ROCK1: variants seen among roughly 807,000 people sequenced by gnomAD.
ROCK1 encodes rho-associated protein kinase 1.
A neutral mutation model predicts 196.8 loss-of-function variants in ROCK1; 36 were observed. That is an observed-to-expected ratio of 0.18 (90% confidence interval 0.14 to 0.24). ROCK1 has a LOEUF of 0.24. ROCK1 is among the 10% of genes least tolerant of loss of function. The probability of loss-of-function intolerance (pLI) is 1.00; values close to 1 mark genes in which losing one functional copy is unlikely to be tolerated. For synonymous variants in ROCK1, 443 were observed against 515.9 expected, an observed-to-expected ratio of 0.86 and a Z score of 1.91; for missense variants, 920 against 1,562.0, an observed-to-expected ratio of 0.59 and a Z score of 6.93.
intron 1 of ROCK1, among the ~76,000 whole-genome samples, chr18:21,077,012 G>A (rs1346007376): frequency 7.6e-6 from 1 of 132,378 alleles, no homozygotes; most frequent in South Asian, 2.7e-4. Flanking sequence ...TGTCGCCCAG[G>A]CCGGACTGCG....
intron 1 of ROCK1, among the ~76,000 whole-genome samples, chr18:21,108,780 A>G (rs1160737882): frequency 1.3e-5 from 2 of 152,174 alleles, no homozygotes; most frequent in Admixed American, 6.5e-5. Context: ...TGTCTCTCCA[A>G]TCTTTTCCCA....
chr18:21,028,648 C>T (rs1880900878), intron 10 of ROCK1, 128 bp downstream of exon 10: 3 of 730,342 alleles, frequency 4.1e-6, no homozygotes, highest in Non-Finnish European at 6.4e-6. Context: ...AAATATCATG[C>T]ATCAATGAAA....
chr18:21,011,796 T>C (rs1568382993), intron 13 of ROCK1, among the ~76,000 whole-genome samples: 2 of 152,206 alleles, frequency 1.3e-5, no homozygotes, highest in Non-Finnish European at 2.9e-5. Flanking sequence ...ACTCTCTGTT[T>C]ATAATGTCTA....
In ROCK1 at chr18:21,020,253, C is replaced by A. The variant is rs749210282; in HGVS notation, c.1273-14G>T. ...CAAACTTTCCTGCTTTAATTTAAAACAAAAACAAAAACTCATTCTACTAAG... is the reference window on the plus strand; with the variant it reads ...CAAACTTTCCTGCTTTAATTTAAAAAAAAAACAAAAACTCATTCTACTAAG... On this transcript the variant is annotated splice_polypyrimidine_tract_variant and intron_variant, in intron 11 of 32. Coordinates refer to ENST00000399799, the MANE Select transcript of ROCK1 (RefSeq NM_005406.3). 1 of 1,390,912 alleles carries A rather than the reference C, an allele frequency of 7.2e-7. No individual in the cohort carries two copies. Among genetic ancestry groups the A allele is most frequent in the Non-Finnish European group, 9.9e-7 (1 of 1,011,030 alleles). The allele number at this position is 1,390,912 out of a possible 1,614,324, so 86.2% of individuals were successfully genotyped here. A position where few individuals can be genotyped will look rare whatever the true frequency, so the allele number is the denominator to read the frequency against.
rs912157312 is a variant in ROCK1, at chr18:21,015,283, C to G, written c.1410+148G>C. 6 of 658,242 alleles carry G rather than the reference C, an allele frequency of 9.1e-6. No individual in the cohort carries two copies. In the African/African-American group the frequency reaches 1.1e-4, roughly 12 times the overall value. The allele number at this position is 658,242 out of a possible 1,614,324, so 40.8% of individuals were successfully genotyped here. ...ATCTAATCTGTACCACTTGAAACTGCAGTTCCAAGGTGAGGCTTTCATCAC... is the reference window on the plus strand; with the variant it reads ...ATCTAATCTGTACCACTTGAAACTGGAGTTCCAAGGTGAGGCTTTCATCAC... On this transcript the variant is annotated intron_variant, in intron 13 of 32. Coordinates refer to ENST00000399799, the MANE Select transcript of ROCK1 (RefSeq NM_005406.3).
At chr18:20,953,394 GTAT>G (rs113059218) in intron 32 of ROCK1, 181 bp downstream of exon 32, 25,644 of 466,160 alleles carry the variant, frequency 0.055, 1,070 homozygotes, top group Admixed American at 0.15. Context: ...AATATTGCAT[GTAT>G]TATTATTATT....
At chr18:21,086,559 A>G (rs1405247025) in intron 1 of ROCK1, among the ~76,000 whole-genome samples, 3 of 152,186 alleles carry the variant, frequency 2.0e-5, no homozygotes, top group Non-Finnish European at 4.4e-5. Flanking sequence ...TAACATTTGT[A>G]TCACTGGATG....
intron 1 of ROCK1, among the ~76,000 whole-genome samples, chr18:21,108,658 C>A (rs545767249): frequency 1.3e-5 from 2 of 152,284 alleles, no homozygotes; most frequent in East Asian, 3.9e-4. Flanking sequence ...CTTTTCCCTG[C>A]CAATAAAGTT....
Position 21,086,404 on chromosome 18 carries a change from G to A in ROCK1, c.94-15791C>T, listed in dbSNP as rs1462795778. ...TGAGATTACAGGCGTGAGCCACCGC[G>A]CCCAGCCTGAAAATAATTTTTTAAA... On this transcript the variant is annotated intron_variant, in intron 1 of 32. Transcript: ENST00000399799. Among the ~76,000 whole-genome samples, 7 of 152,120 alleles carry A rather than the reference G, an allele frequency of 4.6e-5. No individual in the cohort carries two copies. In the South Asian group the frequency reaches 6.2e-4, roughly 14 times the overall value.
intron 9 of ROCK1, 66 bp from the exon 10 acceptor site, chr18:21,029,001 C>T (rs943603211): frequency 1.4e-6 from 2 of 1,455,122 alleles, no homozygotes; most frequent in African/African-American, 1.4e-5. Context: ...AAGCACATTC[C>T]ATACCAACTA....
chr18:21,049,886 T>C lies in ROCK1; in HGVS notation c.176-6A>G. The C allele has an allele frequency of 6.6e-7, 1 of 1,505,360 alleles. No individual in the cohort carries two copies. The highest frequency in any genetic ancestry group is 9.1e-7 in the Non-Finnish European group (1 of 1,098,630). The allele number at this position is 1,505,360 out of a possible 1,614,324, so 93.3% of individuals were successfully genotyped here. A position where few individuals can be genotyped will look rare whatever the true frequency, so the allele number is the denominator to read the frequency against. ...TTTATTTATTGTGTCTTTATCTGTA[T>C]GAAAAGAAAAGTTTATCATTTTAAA... On this transcript the variant is annotated splice_polypyrimidine_tract_variant and splice_region_variant and intron_variant, in intron 2 of 32. Transcript: ENST00000399799.
chr18:21,027,634 C>A (rs897659644), intron 10 of ROCK1, among the ~76,000 whole-genome samples: 4 of 151,724 alleles, frequency 2.6e-5, no homozygotes, highest in Non-Finnish European at 4.4e-5. Context: ...TTATTATCAT[C>A]ATCCCTATTT....
Position 20,947,280 on chromosome 18 carries a change from CTGTTAA to C in ROCK1, c.*4098_*4103del, listed in dbSNP as rs1209950627. On this transcript the variant is annotated 3_prime_UTR_variant, in exon 33 of 33. Coordinates refer to ENST00000399799, the MANE Select transcript of ROCK1 (RefSeq NM_005406.3). The stretch of plus-strand genomic sequence containing the variant: ...ATAATCCATTAGAAAACACAGCTAA[CTGTTAA>C]TAACAGTTATGAAGGAATTGGTGGG... The C allele has an allele frequency of 6.6e-6, 1 of 151,750 alleles. No homozygotes were observed. Among genetic ancestry groups the C allele is most frequent in the Admixed American group, 6.6e-5 (1 of 15,212 alleles). The allele number at this position is 151,750 out of a possible 1,614,324, so 9.4% of individuals were successfully genotyped here. A position where few individuals can be genotyped will look rare whatever the true frequency, so the allele number is the denominator to read the frequency against.
At chr18:21,013,387 G>C (rs548554585) in intron 13 of ROCK1, among the ~76,000 whole-genome samples, 34 of 152,312 alleles carry the variant, frequency 2.2e-4, no homozygotes, top group Admixed American at 1.8e-3. Flanking sequence ...GGTGGAAGCA[G>C]GAGTTCTGGC....
At chr18:21,045,814 T>C (rs2036150646) in intron 4 of ROCK1, among the ~76,000 whole-genome samples, 1 of 151,684 alleles carries the variant, frequency 6.6e-6, no homozygotes. Flanking sequence ...ATTTAACTTG[T>C]GCATCAGTGG....
At chr18:21,031,939 C>A (rs903369500) in intron 9 of ROCK1, among the ~76,000 whole-genome samples, 1 of 151,912 alleles carries the variant, frequency 6.6e-6, no homozygotes, top group Non-Finnish European at 1.5e-5. Flanking sequence ...GTGTGAGGAA[C>A]AGAAAGAAAA....
chr18:20,965,118 G>A (rs2035360412), intron 27 of ROCK1, among the ~76,000 whole-genome samples: 1 of 152,170 alleles, frequency 6.6e-6, no homozygotes, highest in African/African-American at 2.4e-5. Flanking sequence ...CGGCCAGGCG[G>A]GTGGCTCATG....
chr18:20,967,637 CA>C, intron 26 of ROCK1, 114 bp downstream of exon 26: 1 of 788,360 alleles, frequency 1.3e-6, no homozygotes, highest in Non-Finnish European at 1.9e-6. Context: ...ACCAAACAGG[CA>C]GAACCCTTGA....
intron 1 of ROCK1, among the ~76,000 whole-genome samples, chr18:21,090,981 T>C (rs1386297145): frequency 3.9e-5 from 6 of 152,322 alleles, no homozygotes; most frequent in Middle Eastern, 6.8e-3. Context: ...TGTGAAAATA[T>C]CTGTTTTTCT....
Sources: allele counts gnomAD v4.1 joint callset (sites outside exome capture counted in the v4.1 genomes callset), GRCh38; gene constraint gnomAD v4.1.1; transcripts MANE v1.5; gene names NCBI Gene and HGNC (gene_info 2026-07-23, HGNC 2026-07-21).